Variants in ACAP2 observed in about 807,000 individuals in gnomAD.
ACAP2 encodes the protein arf-GAP with coiled-coil, ANK repeat and PH domain-containing protein 2.
ACAP2 carries 39 observed loss-of-function variants against 115.8 expected under a neutral mutation model. The observed-to-expected ratio is 0.34, with a 90% CI of 0.26 to 0.44. The LOEUF (loss-of-function observed/expected upper bound fraction) is 0.44, where lower values mean the gene tolerates loss of function less well. Ranked by LOEUF, ACAP2 falls within the 20% of genes least tolerant of loss-of-function variation. ACAP2 has a pLI of 1.00. For missense variants in ACAP2, 662 were observed against 927.6 expected (o/e 0.71, Z 3.72); for synonymous variants, 289 against 315.8 (o/e 0.92, Z 0.90).
chr3:195,382,423 A>G (rs180705549), intron 2 of ACAP2, among the ~76,000 whole-genome samples: 6 of 151,830 alleles, frequency 4.0e-5, no homozygotes, highest in African/African-American at 9.7e-5. Context: ...TCTAAGCCTT[A>G]GTACCGGGCT....
At chr3:195,326,175 G>A (rs1044670130) in intron 9 of ACAP2, among the ~76,000 whole-genome samples, 3 of 152,134 alleles carry the variant, frequency 2.0e-5, no homozygotes, top group African/African-American at 7.2e-5. Context: ...AGCAATGCCA[G>A]AAGGCATCCT....
chr3:195,341,325 T>TTTG (rs1577327353), intron 6 of ACAP2, among the ~76,000 whole-genome samples: 1 of 138,138 alleles, frequency 7.2e-6, no homozygotes, highest in East Asian at 2.1e-4. Context: ...GTGTGGGTTT[T>TTTG]TTTTTTTTTT....
At chr3:195,282,979 AC>A (rs1405552779) in intron 22 of ACAP2, among the ~76,000 whole-genome samples, 3 of 152,092 alleles carry the variant, frequency 2.0e-5, no homozygotes, top group African/African-American at 7.2e-5. Flanking sequence ...CATGAGACCC[AC>A]CCCAGGTCAT....
intron 4 of ACAP2, among the ~76,000 whole-genome samples, chr3:195,350,384 G>C (rs1326402265): frequency 6.6e-6 from 1 of 152,128 alleles, no homozygotes; most frequent in African/African-American, 2.4e-5. Context: ...TAAAGTCTGG[G>C]TACAGTGGCT....
At chr3:195,404,157 A>G (rs1196363337) in intron 1 of ACAP2, among the ~76,000 whole-genome samples, 3 of 152,128 alleles carry the variant, frequency 2.0e-5, no homozygotes, top group Non-Finnish European at 4.4e-5. Flanking sequence ...CCTAGGCAAC[A>G]TACATACATA....
intron 4 of ACAP2, among the ~76,000 whole-genome samples, chr3:195,367,166 G>T (rs980315591): frequency 6.6e-6 from 1 of 151,850 alleles, no homozygotes; most frequent in Non-Finnish European, 1.5e-5. Flanking sequence ...AGAAACACCT[G>T]GAAGGCTTGT....
chr3:195,442,715 C>T (rs1716112307), intron 1 of ACAP2, 80 bp downstream of exon 1: 2 of 1,445,428 alleles, frequency 1.4e-6, no homozygotes, highest in Non-Finnish European at 1.9e-6. Flanking sequence ...GGGCCTCCTC[C>T]GGGTGCGCGG....
Position 195,423,097 on chromosome 3 carries a change from G to A in ACAP2, c.53+19698C>T, listed in dbSNP as rs1714314691. The stretch of plus-strand genomic sequence containing the variant: ...AAATTATTTTTAGTGTTATAAATGT[G>A]GTTATGTAGGAGAATGTCCTTATTT... On this transcript the variant is annotated intron_variant, in intron 1 of 22. Coordinates refer to ENST00000326793, the MANE Select transcript of ACAP2 (RefSeq NM_012287.6). 2.0e-5 allele frequency among the ~76,000 whole-genome samples: 3 copies of A among 152,014 alleles called. No homozygotes were observed. The South Asian group carries it at 6.2e-4, about 31-fold the overall frequency.
At chr3:195,292,233 G>T in intron 19 of ACAP2, 32 bp downstream of exon 19, 1 of 1,521,496 alleles carries the variant, frequency 6.6e-7, no homozygotes, top group Non-Finnish European at 8.8e-7. Flanking sequence ...ATATTTGATT[G>T]CTACTGAAAA....
At chr3:195,432,259 T>C (rs1033611235) in intron 1 of ACAP2, among the ~76,000 whole-genome samples, 6 of 152,222 alleles carry the variant, frequency 3.9e-5, no homozygotes, top group Non-Finnish European at 5.9e-5. Context: ...TAAGAAACCA[T>C]TGCCTAATTC....
intron 1 of ACAP2, among the ~76,000 whole-genome samples, chr3:195,424,915 TAAAAAAAAAAAAAAA>T (rs34038109): frequency 5.4e-5 from 3 of 55,640 alleles, no homozygotes; most frequent in African/African-American, 2.1e-4. Context: ...GACCCTGTCT[TAAAAAAAAAAAAAAA>T]AAAAAAAAAA....
chr3:195,391,357 G>A (rs574824971), intron 2 of ACAP2, among the ~76,000 whole-genome samples: 1 of 151,538 alleles, frequency 6.6e-6, no homozygotes, highest in African/African-American at 2.4e-5. Flanking sequence ...AGCCTCCCGA[G>A]TAGCTAGGAT....
chr3:195,331,278 G>A (rs1252762040), intron 8 of ACAP2, among the ~76,000 whole-genome samples: 1 of 151,628 alleles, frequency 6.6e-6, no homozygotes, highest in African/African-American at 2.4e-5. Flanking sequence ...ATATACTCTG[G>A]TCAGTAAATG....
intron 4 of ACAP2, among the ~76,000 whole-genome samples, chr3:195,351,365 C>T (rs558789610): frequency 6.6e-6 from 1 of 152,172 alleles, no homozygotes; most frequent in East Asian, 1.9e-4. Context: ...GATCCGCCCG[C>T]CTCAGCCTTC....
intron 4 of ACAP2, among the ~76,000 whole-genome samples, chr3:195,378,078 G>GGGAGAAAGGGAGGA (rs1553862115): frequency 0.022 from 3,252 of 147,646 alleles, 110 homozygotes; most frequent in East Asian, 0.097. Context: ...GAGGGAGGAA[G>GGGAGAAAGGGAGGA]GGAGGAAGGG....
At chr3:195,303,226 A>G (rs1382129990) in intron 13 of ACAP2, among the ~76,000 whole-genome samples, 1 of 149,742 alleles carries the variant, frequency 6.7e-6, no homozygotes, top group Non-Finnish European at 1.5e-5. Context: ...CCGTCATATG[A>G]GCGTAAATAC....
Position 195,442,869 on chromosome 3 carries a change from G to A in ACAP2, c.-22C>T. On this transcript the variant is annotated 5_prime_UTR_variant, in exon 1 of 23. Transcript: ENST00000326793. ...TCATCCTGCCTCCGCCTCGCAGGCG[G>A]CGCTGGCAAAGCCGAGGGGGCCGCG... The A allele has an allele frequency of 6.6e-7, 1 of 1,512,180 alleles. No individual in the cohort carries two copies. The highest frequency in any genetic ancestry group is 1.2e-5 in the South Asian group (1 of 80,058). The allele number at this position is 1,512,180 out of a possible 1,614,324, so 93.7% of individuals were successfully genotyped here.
chr3:195,351,054 GC>G (rs1321899029), intron 4 of ACAP2, among the ~76,000 whole-genome samples: 6 of 150,478 alleles, frequency 4.0e-5, no homozygotes, highest in Non-Finnish European at 3.0e-5. Flanking sequence ...AAAAAGGCAA[GC>G]CAAAGCATGG....
chr3:195,395,864 C>G (rs553343139), intron 1 of ACAP2, among the ~76,000 whole-genome samples: 2 of 152,308 alleles, frequency 1.3e-5, no homozygotes, highest in African/African-American at 2.4e-5. Flanking sequence ...AAAACAGATA[C>G]TTTATTTTTA....
Sources: allele counts gnomAD v4.1 joint callset (sites outside exome capture counted in the v4.1 genomes callset), GRCh38; gene constraint gnomAD v4.1.1; transcripts MANE v1.5; gene names NCBI Gene and HGNC (gene_info 2026-07-23, HGNC 2026-07-21).